Variants in NAV3 observed in about 807,000 individuals in gnomAD.
NAV3 encodes neuron navigator 3, also known as pore membrane and/or filament interacting like protein 1.
Under a neutral mutation model 244.7 loss-of-function variants are expected in NAV3, and 87 were observed. That is an observed-to-expected ratio of 0.36 (90% confidence interval 0.30 to 0.42). NAV3 has a LOEUF of 0.42. NAV3 is among the 20% of genes least tolerant of loss of function. NAV3 has a pLI of 1.00. For synonymous variants in NAV3, 1,126 were observed against 1,042.2 expected (o/e 1.08, Z -1.55); for missense variants, 2,663 against 2,893.3 (o/e 0.92, Z 1.83).
chr12:78,118,196 C>G lies in NAV3; in HGVS notation c.2939C>G (p.Ser980Cys), dbSNP rs2138571893. Residue 980 changes from serine (S) to cysteine (C), a missense_variant, in exon 14 of 40, where the codon TCC becomes TGC. Ser to Cys is a moderately radical substitution (Grantham distance 112, BLOSUM62 -1). Transcript: ENST00000397909. ...CCCGAGAAGGCAGGGCAGAAAGCTT[C>G]CCTGTCTGTTTCACAGACAGGTTCC... ...EDPEKAGQKA[S>C]LSVSQTGSWR... The G allele has an allele frequency of 6.2e-7, 1 of 1,613,454 alleles. No homozygotes were observed. The highest frequency in any genetic ancestry group is 8.5e-7 in the Non-Finnish European group (1 of 1,179,856).
intron 1 of NAV3, among the ~76,000 whole-genome samples, chr12:77,924,781 G>C (rs1427042930): frequency 1.3e-5 from 2 of 152,090 alleles, no homozygotes; most frequent in Admixed American, 1.3e-4. Flanking sequence ...CTACACATTT[G>C]TTTGGGGAGA....
At chr12:77,703,134 A>T (rs1254988180) in intron 2 of NAV3, among the ~76,000 whole-genome samples, 2 of 152,066 alleles carry the variant, frequency 1.3e-5, no homozygotes, top group Admixed American at 1.3e-4. Context: ...AACAATCTGG[A>T]TATAGAACAT....
intron 2 of NAV3, among the ~76,000 whole-genome samples, chr12:77,674,750 T>C (rs955272537): frequency 1.3e-5 from 2 of 152,192 alleles, no homozygotes; most frequent in African/African-American, 2.4e-5. Context: ...TATCCATGCA[T>C]TCATTCAATT....
At chr12:77,734,758 G>T (rs1385095741) in intron 2 of NAV3, among the ~76,000 whole-genome samples, 3 of 152,054 alleles carry the variant, frequency 2.0e-5, no homozygotes, top group African/African-American at 4.8e-5. Flanking sequence ...ATTGCTTCCA[G>T]CAAATTACTA....
chr12:77,886,960 T>C (rs1242295), intron 1 of NAV3, among the ~76,000 whole-genome samples: 43,381 of 151,928 alleles, frequency 0.29, 6,233 homozygotes, highest in Middle Eastern at 0.37. Context: ...CTTTTCCAGG[T>C]TAATGGGACT....
chr12:77,654,996 A>T (rs1056060891), intron 2 of NAV3, among the ~76,000 whole-genome samples: 375 of 152,194 alleles, frequency 2.5e-3, no homozygotes, highest in Non-Finnish European at 4.6e-3. Flanking sequence ...AGATAAAACC[A>T]CAAAGATGGG....
At chr12:77,664,562 A>G (rs1873629182) in intron 2 of NAV3, among the ~76,000 whole-genome samples, 1 of 152,160 alleles carries the variant, frequency 6.6e-6, no homozygotes, top group Non-Finnish European at 1.5e-5. Flanking sequence ...TTTTAATAGT[A>G]CTCTGCTAAA....
intron 2 of NAV3, among the ~76,000 whole-genome samples, chr12:77,734,491 G>A (rs987512881): frequency 6.6e-6 from 1 of 152,060 alleles, no homozygotes; most frequent in Non-Finnish European, 1.5e-5. Context: ...AAATTTTGAA[G>A]CATTGGCTGA....
chr12:77,651,247 A>G (rs769625455), intron 2 of NAV3, among the ~76,000 whole-genome samples: 22 of 152,152 alleles, frequency 1.4e-4, no homozygotes, highest in Non-Finnish European at 2.9e-4. Context: ...TTTAAAACCC[A>G]AGAGAACATC....
chr12:77,581,806 C>T (rs541961569), intron 2 of NAV3, among the ~76,000 whole-genome samples: 6 of 152,192 alleles, frequency 3.9e-5, no homozygotes, highest in African/African-American at 1.4e-4. Context: ...TTTGGCTGAA[C>T]TTAATGTGTT....
chr12:77,872,929 A>T (rs759608955), intron 1 of NAV3, among the ~76,000 whole-genome samples: 9 of 152,164 alleles, frequency 5.9e-5, no homozygotes, highest in Admixed American at 2.0e-4. Context: ...CCCAAATCTC[A>T]TCTTGATTGT....
Position 78,137,318 on chromosome 12 carries a change from C to G in NAV3, c.4583C>G (p.Pro1528Arg), listed in dbSNP as rs202049309. The G allele has an allele frequency of 2.5e-6, 4 of 1,613,194 alleles. No individual in the cohort carries two copies. The highest frequency in any genetic ancestry group is 3.3e-5 in the Admixed American group (2 of 59,934). ...AGTGCCACTTCTCTGGAGGAAAGACCTCGTGCCATCAGTCATTCGGGCTCA... is the reference window on the plus strand; with the variant it reads ...AGTGCCACTTCTCTGGAGGAAAGACGTCGTGCCATCAGTCATTCGGGCTCA... ...CGSATSLEER[P>R]RAISHSGSFR... Residue 1528 changes from proline to arginine, a missense_variant, in exon 19 of 40, where the codon CCT becomes CGT. By Grantham distance (103) the Pro-to-Arg change is moderately radical (BLOSUM62 -2). Transcript: ENST00000397909.
At chr12:77,925,656 C>G (rs1888136808) in intron 1 of NAV3, among the ~76,000 whole-genome samples, 1 of 152,044 alleles carries the variant, frequency 6.6e-6, no homozygotes, top group South Asian at 2.1e-4. Context: ...GACAAGGCTA[C>G]GCAGCAGCAG....
At chr12:78,044,411 C>T (rs536016803) in intron 9 of NAV3, among the ~76,000 whole-genome samples, 100 of 152,148 alleles carry the variant, frequency 6.6e-4, no homozygotes, top group Non-Finnish European at 1.3e-3. Context: ...CTTGGCTATA[C>T]GGGCTCTTTT....
chr12:77,585,142 G>C (rs761170551), intron 2 of NAV3, among the ~76,000 whole-genome samples: 25 of 152,252 alleles, frequency 1.6e-4, no homozygotes, highest in Admixed American at 9.2e-4. Flanking sequence ...GTCTATTGCT[G>C]GTCCAGGATG....
chr12:77,809,347 G>A (rs1198896951), intron 2 of NAV3, among the ~76,000 whole-genome samples: 1 of 152,192 alleles, frequency 6.6e-6, no homozygotes, highest in Non-Finnish European at 1.5e-5. Context: ...AAAGACCATG[G>A]GAAAAGCGTA....
intron 2 of NAV3, among the ~76,000 whole-genome samples, chr12:77,767,036 G>A (rs1051885977): frequency 7.2e-5 from 11 of 152,244 alleles, no homozygotes; most frequent in Admixed American, 3.3e-4. Context: ...ACAGGCATGA[G>A]CCACTGTGCC....
At chr12:77,961,066 C>T (rs962136470) in intron 3 of NAV3, among the ~76,000 whole-genome samples, 9 of 144,228 alleles carry the variant, frequency 6.2e-5, no homozygotes, top group Middle Eastern at 0.011. Context: ...TGCATGTATA[C>T]GCATATATGT....
At chr12:78,097,192 T>A (rs1593567242) in intron 12 of NAV3, among the ~76,000 whole-genome samples, 2 of 152,126 alleles carry the variant, frequency 1.3e-5, no homozygotes, top group Admixed American at 6.6e-5. Context: ...AATTAAGACA[T>A]CTGGTCAGGC....
Sources: gnomAD v4.1 joint callset for allele counts (sites outside exome capture counted in the v4.1 genomes callset) on GRCh38, gnomAD v4.1.1 for gene constraint, MANE v1.5 for transcripts, NCBI Gene and HGNC (gene_info 2026-07-23, HGNC 2026-07-21) for gene names.